The following SP100 variants were observed in gnomAD, a reference collection of about 807,000 sequenced individuals.
SP100 encodes SP100 nuclear body protein.
Under a neutral mutation model 130.0 loss-of-function variants are expected in SP100, and 84 were observed. The ratio of observed to expected loss-of-function variants is 0.65; its 90% CI spans 0.54 to 0.77. SP100 has a LOEUF of 0.77. Ranked by LOEUF, SP100 falls within the 30% of genes least tolerant of loss-of-function variation. The pLI is 0.00. For missense variants in SP100, 978 were observed against 1,052.2 expected, an observed-to-expected ratio of 0.93 and a Z score of 0.97; for synonymous variants, 331 against 351.7, an observed-to-expected ratio of 0.94 and a Z score of 0.66.
chr2:230,510,489 T>C (rs1429551212), intron 23 of SP100: 18 of 9,372 alleles, frequency 1.9e-3, no homozygotes, highest in African/African-American at 3.7e-3. Flanking sequence ...TTTTTTTTTT[T>C]TTTTTTTTTT....
chr2:230,488,382 G>GT (rs575655262), intron 17 of SP100, among the ~76,000 whole-genome samples: 39 of 152,018 alleles, frequency 2.6e-4, no homozygotes, highest in East Asian at 1.5e-3. Flanking sequence ...TTTATTGAGA[G>GT]TTTTTTTTGT....
intron 2 of SP100, among the ~76,000 whole-genome samples, 154 bp from the exon 3 acceptor site, chr2:230,442,783 G>T (rs2063521882): frequency 6.6e-6 from 1 of 151,792 alleles, no homozygotes; most frequent in Admixed American, 6.6e-5. Flanking sequence ...CTTTTTTGTT[G>T]CTTCAATTGC....
rs79747494 is a variant in SP100, at chr2:230,418,590, T to C, written c.107+925T>C. Reference sequence around the variant, plus strand: ...GCTTAGTCATAATCTGGATGAACTTTTTTTCTTTTTTTTTTTAACATTCCC... The same window carrying C: ...GCTTAGTCATAATCTGGATGAACTTCTTTTCTTTTTTTTTTTAACATTCCC... On this transcript the variant is annotated intron_variant, in intron 2 of 28. Coordinates refer to ENST00000340126, the MANE Select transcript of SP100 (RefSeq NM_001080391.2). Among the ~76,000 whole-genome samples, 119 of 147,358 alleles carry C rather than the reference T, an allele frequency of 8.1e-4. 1 individual carries two copies. In the East Asian group the frequency reaches 0.019, roughly 24 times the overall value.
intron 24 of SP100, among the ~76,000 whole-genome samples, chr2:230,527,385 T>C (rs1183981976): frequency 6.6e-6 from 1 of 152,228 alleles, no homozygotes; most frequent in Non-Finnish European, 1.5e-5. Context: ...TGAGAGATTT[T>C]GTCACCACCA....
chr2:230,469,761 T>C lies in SP100; in HGVS notation c.1346-254T>C, dbSNP rs764999046. The C allele has an allele frequency of 1.9e-5, 26 of 1,335,758 alleles. No individual in the cohort carries two copies. The Admixed American group carries it at 3.7e-4, about 19-fold the overall frequency. The allele number at this position is 1,335,758 out of a possible 1,614,324, so 82.7% of individuals were successfully genotyped here. A position where few individuals can be genotyped will look rare whatever the true frequency, so the allele number is the denominator to read the frequency against. On this transcript the variant is annotated intron_variant, in intron 14 of 28. Coordinates refer to ENST00000340126, the MANE Select transcript of SP100 (RefSeq NM_001080391.2). ...AATGAAATGGATGATTTATAATAAA[T>C]ACATATTTTTCCCAAAGTTAAAAAA...
chr2:230,490,652 T>C (rs6743289), intron 17 of SP100, among the ~76,000 whole-genome samples: 57,592 of 152,092 alleles, frequency 0.38, 12,749 homozygotes, highest in South Asian at 0.57. Flanking sequence ...ATTTTAGTGC[T>C]TCTTTCAGGA....
chr2:230,518,926 A>T (rs150347337), intron 24 of SP100, among the ~76,000 whole-genome samples: 72 of 152,296 alleles, frequency 4.7e-4, no homozygotes, highest in African/African-American at 1.7e-3. Flanking sequence ...CCTGAGCATT[A>T]ATGTATTTAT....
chr2:230,503,013 CA>C, intron 19 of SP100, 52 bp from the exon 20 acceptor site: 1 of 1,316,046 alleles, frequency 7.6e-7, no homozygotes. Flanking sequence ...TTTTGTAAAA[CA>C]CTACTATTTG....
chr2:230,542,652 T>C (rs1229239993), intron 28 of SP100, among the ~76,000 whole-genome samples, 184 bp from the exon 29 acceptor site: 2 of 152,214 alleles, frequency 1.3e-5, no homozygotes, highest in Non-Finnish European at 2.9e-5. Context: ...AGTGTAGTAG[T>C]ATTTTGACTT....
At chr2:230,466,201 A>AAC in intron 11 of SP100, 100 bp from the exon 12 acceptor site, 30 of 575,136 alleles carry the variant, frequency 5.2e-5, no homozygotes, top group East Asian at 1.6e-4. Context: ...AAAAAAAAAA[A>AAC]AACTTTGTTA....
intron 22 of SP100, 96 bp downstream of exon 22, chr2:230,506,541 C>A (rs1690118758): frequency 7.9e-7 from 1 of 1,264,866 alleles, no homozygotes; most frequent in Non-Finnish European, 1.1e-6. Context: ...AGAAATTCAT[C>A]ATGACTTCCT....
At chr2:230,482,754 CTATT>C (rs2065893577) in intron 17 of SP100, among the ~76,000 whole-genome samples, 1 of 151,932 alleles carries the variant, frequency 6.6e-6, no homozygotes, top group African/African-American at 2.4e-5. Flanking sequence ...ATTGCCCTAT[CTATT>C]CTGCATCAAT....
chr2:230,417,515 C>G, intron 1 of SP100, 76 bp from the exon 2 acceptor site: 1 of 1,535,850 alleles, frequency 6.5e-7, no homozygotes, highest in Non-Finnish European at 8.8e-7. Context: ...TTTATCTTGT[C>G]TCTAAACCTT....
chr2:230,475,542 C>G (rs1215179266), intron 17 of SP100, among the ~76,000 whole-genome samples: 2 of 152,118 alleles, frequency 1.3e-5, no homozygotes, highest in Non-Finnish European at 2.9e-5. Flanking sequence ...TTTAGTTTAA[C>G]TGGGTCCCAC....
At chr2:230,438,693 T>G (rs11690286) in intron 2 of SP100, among the ~76,000 whole-genome samples, 99,015 of 148,864 alleles carry the variant, frequency 0.67, 33,983 homozygotes, top group African/African-American at 0.73. Flanking sequence ...ACACATATGG[T>G]ATATATATAT....
intron 2 of SP100, among the ~76,000 whole-genome samples, chr2:230,420,186 G>A (rs2062728538): frequency 6.6e-6 from 1 of 152,052 alleles, no homozygotes; most frequent in Admixed American, 6.6e-5. Context: ...ACATTTTCTA[G>A]TTATTTCTTG....
At position 230,470,485 on chromosome 2, in the gene SP100, T is replaced by C. The variant is rs1395750521; in HGVS notation, c.1429+387T>C. The C allele has an allele frequency of 4.4e-6, 4 of 916,374 alleles. No individual in the cohort carries two copies. In the African/African-American group the frequency reaches 7.1e-5, roughly 16 times the overall value. The allele number at this position is 916,374 out of a possible 1,614,324, so 56.8% of individuals were successfully genotyped here. On this transcript the variant is annotated intron_variant, in intron 15 of 28. Transcript: ENST00000340126. ...CCTCAAAAGACAACTGTTCCTACTA[T>C]GTAATTATAGACAGAAATAAAAACT...
chr2:230,533,824 A>C (rs189431492), intron 24 of SP100, among the ~76,000 whole-genome samples: 68 of 152,322 alleles, frequency 4.5e-4, no homozygotes, highest in Non-Finnish European at 6.0e-4. Context: ...CGGCTCTTTA[A>C]TAGAAGATTG....
chr2:230,518,482 T>G (rs1691026703), intron 24 of SP100, among the ~76,000 whole-genome samples: 1 of 151,866 alleles, frequency 6.6e-6, no homozygotes, highest in Non-Finnish European at 1.5e-5. Context: ...ATGAGAACTC[T>G]TTTATAATTT....
Sources: allele counts gnomAD v4.1 joint callset (sites outside exome capture counted in the v4.1 genomes callset), GRCh38; gene constraint gnomAD v4.1.1; transcripts MANE v1.5; gene names NCBI Gene and HGNC (gene_info 2026-07-23, HGNC 2026-07-21).